The following CSMD1 variants were observed in gnomAD, a reference collection of about 807,000 sequenced individuals.
CSMD1 encodes CUB and sushi domain-containing protein 1.
CSMD1 carries 213 observed loss-of-function variants against 417.5 expected under a neutral mutation model. The observed-to-expected ratio is 0.51, with a 90% CI of 0.46 to 0.57. The LOEUF (loss-of-function observed/expected upper bound fraction) is 0.57, where lower values mean the gene tolerates loss of function less well. Ranked by LOEUF, CSMD1 falls within the 20% of genes least tolerant of loss-of-function variation. The probability of loss-of-function intolerance (pLI) is 0.00; values close to 1 mark genes in which losing one functional copy is unlikely to be tolerated. For synonymous variants in CSMD1, 2,862 were observed against 1,736.8 expected (o/e 1.65, Z -16.11); for missense variants, 6,923 against 4,529.7 (o/e 1.53, Z -15.17).
intron 1 of CSMD1, among the ~76,000 whole-genome samples, chr8:4,670,729 T>C (rs1277061900): frequency 6.6e-6 from 1 of 152,228 alleles, no homozygotes; most frequent in East Asian, 1.9e-4. Flanking sequence ...AAAAAAATAG[T>C]TGGCTCTAAG....
intron 48 of CSMD1, among the ~76,000 whole-genome samples, chr8:3,089,214 G>C (rs138305163): frequency 1.3e-5 from 2 of 152,292 alleles, no homozygotes; most frequent in Admixed American, 1.3e-4. Context: ...GGAAAAGCTG[G>C]GATATAGAAT....
At chr8:4,892,813 T>C (rs533104349) in intron 1 of CSMD1, among the ~76,000 whole-genome samples, 52 of 152,278 alleles carry the variant, frequency 3.4e-4, no homozygotes, top group Non-Finnish European at 6.5e-4. Flanking sequence ...TGGGAACTTC[T>C]GTATGCTACT....
chr8:4,317,947 C>A (rs1799030269), intron 3 of CSMD1, among the ~76,000 whole-genome samples: 1 of 152,024 alleles, frequency 6.6e-6, no homozygotes, highest in African/African-American at 2.4e-5. Context: ...TGTTGCCGTT[C>A]CGAATTTAAG....
intron 3 of CSMD1, among the ~76,000 whole-genome samples, chr8:4,280,908 G>C (rs1481089109): frequency 1.3e-5 from 2 of 152,162 alleles, no homozygotes; most frequent in African/African-American, 4.8e-5. Flanking sequence ...TGTCATGGAA[G>C]TTGCAATTGC....
chr8:3,441,882 C>T (rs1356546886), intron 12 of CSMD1, among the ~76,000 whole-genome samples: 2 of 151,838 alleles, frequency 1.3e-5, no homozygotes, highest in South Asian at 2.1e-4. Flanking sequence ...TAGGCAGGTC[C>T]GTCAGGAGGT....
intron 2 of CSMD1, among the ~76,000 whole-genome samples, chr8:4,573,584 C>A (rs1331658813): frequency 6.6e-6 from 1 of 152,116 alleles, no homozygotes; most frequent in Non-Finnish European, 1.5e-5. Context: ...GTCTCCCAGT[C>A]AGGAGGTATG....
At chr8:3,792,907 T>A (rs1195433634) in intron 5 of CSMD1, among the ~76,000 whole-genome samples, 1 of 152,186 alleles carries the variant, frequency 6.6e-6, no homozygotes, top group African/African-American at 2.4e-5. Flanking sequence ...TACCTGAGAT[T>A]TACCGTTAGG....
chr8:3,971,135 T>A (rs1053498969), intron 5 of CSMD1, among the ~76,000 whole-genome samples: 11 of 151,206 alleles, frequency 7.3e-5, no homozygotes, highest in African/African-American at 2.4e-4. Flanking sequence ...AATCACACGG[T>A]GTTAAATATT....
At chr8:3,187,345 G>C (rs1796122062) in intron 36 of CSMD1, among the ~76,000 whole-genome samples, 1 of 152,176 alleles carries the variant, frequency 6.6e-6, no homozygotes, top group African/African-American at 2.4e-5. Flanking sequence ...AGGGCATTTG[G>C]AGAGCAGACT....
At position 3,369,303 on chromosome 8, in the gene CSMD1, A is replaced by G. The variant is rs1468012165; in HGVS notation, c.2850T>C (p.Tyr950=). The G allele has an allele frequency of 6.2e-7, 1 of 1,608,582 alleles. No homozygotes were observed. The highest frequency in any genetic ancestry group is 1.7e-5 in the Admixed American group (1 of 59,970). ...TCCACGTGCAGTTTAGAGAGTTTGGATAAAAATCTGGAAACCCAGGAGAAA... is the reference window on the plus strand; with the variant it reads ...TCCACGTGCAGTTTAGAGAGTTTGGGTAAAAATCTGGAAACCCAGGAGAAA... ...TVLSPGFPDF[Y]PNSLNCTWTI... is the part of the protein sequence containing the mutation. Residue 950 remains tyrosine, a synonymous_variant, in exon 19 of 70, where the codon TAT becomes TAC. Transcript: ENST00000635120.
intron 2 of CSMD1, among the ~76,000 whole-genome samples, chr8:4,552,187 C>A (rs965676552): frequency 3.0e-4 from 46 of 152,232 alleles, no homozygotes; most frequent in Non-Finnish European, 1.5e-4. Flanking sequence ...TCTTAAGATA[C>A]AAAGCATGCT....
chr8:4,190,710 A>C (rs899397513), intron 3 of CSMD1, among the ~76,000 whole-genome samples: 3 of 152,174 alleles, frequency 2.0e-5, no homozygotes, highest in Non-Finnish European at 4.4e-5. Context: ...CAAACATTTT[A>C]CAGAAAATCA....
At chr8:4,060,965 A>G (rs770877486) in intron 3 of CSMD1, among the ~76,000 whole-genome samples, 4 of 152,262 alleles carry the variant, frequency 2.6e-5, no homozygotes, top group Non-Finnish European at 5.9e-5. Context: ...TGTGGAGGAA[A>G]GAGATAAGAC....
At chr8:4,153,967 C>A (rs1477765358) in intron 3 of CSMD1, among the ~76,000 whole-genome samples, 4 of 152,160 alleles carry the variant, frequency 2.6e-5, no homozygotes, top group Admixed American at 6.6e-5. Context: ...TTACTGACAG[C>A]AAATTACTGA....
At chr8:3,347,175 G>A (rs950530533) in intron 22 of CSMD1, among the ~76,000 whole-genome samples, 15 of 152,240 alleles carry the variant, frequency 9.9e-5, no homozygotes, top group African/African-American at 3.4e-4. Context: ...TGGCCTGTGG[G>A]CCGCGGGTTG....
chr8:3,335,738 C>T (rs547483730), intron 23 of CSMD1, among the ~76,000 whole-genome samples: 3 of 152,244 alleles, frequency 2.0e-5, no homozygotes, highest in East Asian at 1.9e-4. Flanking sequence ...TGGAATGTCA[C>T]CTAAGAGTAG....
At chr8:4,629,005 T>C (rs1035160935) in intron 2 of CSMD1, among the ~76,000 whole-genome samples, 1 of 152,206 alleles carries the variant, frequency 6.6e-6, no homozygotes, top group Non-Finnish European at 1.5e-5. Flanking sequence ...AAAATGTCAT[T>C]GTTTTTAATG....
chr8:3,412,035 C>CGTGTAT (rs1183131725), intron 12 of CSMD1, among the ~76,000 whole-genome samples: 1 of 21,036 alleles, frequency 4.8e-5, no homozygotes, highest in Non-Finnish European at 9.8e-5. Context: ...CGTATATATA[C>CGTGTAT]ACATATATAC....
chr8:3,123,446 C>G (rs545530481), intron 41 of CSMD1, among the ~76,000 whole-genome samples: 1 of 152,272 alleles, frequency 6.6e-6, no homozygotes, highest in Admixed American at 6.5e-5. Flanking sequence ...ATGAATAATT[C>G]CACACTGAGT....
Sources: allele counts gnomAD v4.1 joint callset (sites outside exome capture counted in the v4.1 genomes callset), GRCh38; gene constraint gnomAD v4.1.1; transcripts MANE v1.5; gene names NCBI Gene and HGNC (gene_info 2026-07-23, HGNC 2026-07-21).